TMEFF2: variants seen among roughly 807,000 people sequenced by gnomAD.
The protein encoded by TMEFF2 is transmembrane protein with EGF like and two follistatin like domains 2, also known as tomoregulin-2.
In TMEFF2, 28 loss-of-function variants were observed where a neutral mutation model predicts 53.8. The observed-to-expected ratio is 0.52, with a 90% confidence interval of 0.39 to 0.71. TMEFF2 has a LOEUF of 0.71. Among genes scored for constraint, TMEFF2 ranks in the 30% least tolerant of loss-of-function variants. TMEFF2 has a pLI of 0.00. For synonymous variants in TMEFF2, 162 were observed against 166.3 expected, an observed-to-expected ratio of 0.97 and a Z score of 0.20; for missense variants, 353 against 455.2, an observed-to-expected ratio of 0.78 and a Z score of 2.04.
At chr2:191,993,770 G>C (rs1314378655) in intron 7 of TMEFF2, among the ~76,000 whole-genome samples, 2 of 151,944 alleles carry the variant, frequency 1.3e-5, no homozygotes, top group Non-Finnish European at 2.9e-5. Context: ...TATGCTCTAG[G>C]ATGTTGTCAA....
chr2:192,021,645 A>G (rs1290629345), intron 5 of TMEFF2, among the ~76,000 whole-genome samples: 1 of 152,174 alleles, frequency 6.6e-6, no homozygotes, highest in Non-Finnish European at 1.5e-5. Flanking sequence ...TGCCATAACT[A>G]AGTGACAAGA....
At chr2:191,953,590 T>G in intron 9 of TMEFF2, 89 bp downstream of exon 9, 1 of 1,476,276 alleles carries the variant, frequency 6.8e-7, no homozygotes, top group East Asian at 2.3e-5. Context: ...GCAGAGTCCA[T>G]GAAGGAACTC....
At chr2:192,165,754 A>AT (rs536564272) in intron 4 of TMEFF2, among the ~76,000 whole-genome samples, 2 of 152,114 alleles carry the variant, frequency 1.3e-5, no homozygotes, top group Non-Finnish European at 2.9e-5. Context: ...TAAAAAAAAA[A>AT]AAAAATTAGA....
chr2:192,104,444 T>TA (rs781401196), intron 4 of TMEFF2, among the ~76,000 whole-genome samples: 1 of 152,146 alleles, frequency 6.6e-6, no homozygotes, highest in Non-Finnish European at 1.5e-5. Context: ...CAAATATTTA[T>TA]AACCCTGGAA....
At chr2:192,183,432 T>A (rs1691234582) in intron 3 of TMEFF2, among the ~76,000 whole-genome samples, 1 of 152,090 alleles carries the variant, frequency 6.6e-6, no homozygotes, top group Non-Finnish European at 1.5e-5. Flanking sequence ...ATAAATAGAC[T>A]TTTCATGACA....
At chr2:192,161,558 A>G (rs749965042) in intron 4 of TMEFF2, among the ~76,000 whole-genome samples, 1 of 152,202 alleles carries the variant, frequency 6.6e-6, no homozygotes, top group Admixed American at 6.5e-5. Flanking sequence ...AAGACTTTCA[A>G]TTTTGGGATG....
In TMEFF2 at chr2:192,194,252, G is replaced by A. The variant is rs1006137151; in HGVS notation, c.172+101C>T. ...GTATTAGGGGTCTAGGGCAGTAGGA[G>A]GTGAGGGGCTGAGGAGGCGCGCTAG... On this transcript the variant is annotated intron_variant, in intron 1 of 9. Transcript: ENST00000272771. The surrounding 1 kb of genome is among the most constrained non-coding windows in gnomAD (Gnocchi z 4.2). 3.6e-6 allele frequency: 5 copies of A among 1,393,402 alleles called. No individual in the cohort carries two copies. Among genetic ancestry groups the A allele is most frequent in the South Asian group, 2.6e-5 (2 of 77,358 alleles). The allele number at this position is 1,393,402 out of a possible 1,614,324, so 86.3% of individuals were successfully genotyped here.
intron 5 of TMEFF2, among the ~76,000 whole-genome samples, chr2:192,051,754 T>C (rs1244910794): frequency 6.6e-6 from 1 of 152,214 alleles, no homozygotes; most frequent in African/African-American, 2.4e-5. Context: ...ACAATCTTCC[T>C]AATGACAGGG....
chr2:192,069,602 C>A (rs370239844), intron 4 of TMEFF2, among the ~76,000 whole-genome samples: 1 of 151,640 alleles, frequency 6.6e-6, no homozygotes, highest in South Asian at 2.1e-4. Context: ...TTGAACTAAT[C>A]AATATGTCTG....
At chr2:192,017,386 G>A (rs997324057) in intron 5 of TMEFF2, among the ~76,000 whole-genome samples, 1 of 152,188 alleles carries the variant, frequency 6.6e-6, no homozygotes, top group African/African-American at 2.4e-5. Context: ...CCCTCTGTCA[G>A]GAGGAATAGG....
At chr2:192,166,256 G>T (rs1169484829) in intron 4 of TMEFF2, among the ~76,000 whole-genome samples, 1 of 152,176 alleles carries the variant, frequency 6.6e-6, no homozygotes, top group East Asian at 1.9e-4. Context: ...CTCCCCTCAG[G>T]TATGGGAATT....
At chr2:192,107,950 TG>T (rs66479082) in intron 4 of TMEFF2, among the ~76,000 whole-genome samples, 14,572 of 147,962 alleles carry the variant, frequency 0.098, 948 homozygotes, top group Non-Finnish European at 0.16. Flanking sequence ...ACAATATAAC[TG>T]TTTTTTTTTT....
chr2:192,139,311 T>C (rs983031800), intron 4 of TMEFF2, among the ~76,000 whole-genome samples: 4 of 152,222 alleles, frequency 2.6e-5, no homozygotes, highest in African/African-American at 9.6e-5. Context: ...AACAATGATA[T>C]ATTGTTAAAT....
At chr2:192,120,774 T>C (rs1306312805) in intron 4 of TMEFF2, among the ~76,000 whole-genome samples, 1 of 152,082 alleles carries the variant, frequency 6.6e-6, no homozygotes, top group Non-Finnish European at 1.5e-5. Flanking sequence ...TCTCGCTCTG[T>C]CGCCCAGGCT....
intron 6 of TMEFF2, 97 bp downstream of exon 6, chr2:191,998,963 A>G (rs1285293652): frequency 1.3e-5 from 16 of 1,275,700 alleles, no homozygotes; most frequent in Non-Finnish European, 1.5e-5. Flanking sequence ...TGCATTTTGG[A>G]AATGGAATAG....
intron 4 of TMEFF2, among the ~76,000 whole-genome samples, chr2:192,075,310 T>TATATATATATATAA (rs1553518817): frequency 5.3e-5 from 4 of 74,914 alleles, no homozygotes; most frequent in Admixed American, 1.7e-4. Context: ...TATATATATA[T>TATATATATATATAA]ATATATATAT....
chr2:192,193,910 C>T (rs973548022), intron 1 of TMEFF2, among the ~76,000 whole-genome samples: 2 of 152,130 alleles, frequency 1.3e-5, no homozygotes, highest in Admixed American at 1.3e-4. Flanking sequence ...AGCGATTCCC[C>T]TGCAGTCACC....
chr2:192,104,187 ATTT>A (rs1335481735), intron 4 of TMEFF2, among the ~76,000 whole-genome samples: 2 of 152,130 alleles, frequency 1.3e-5, no homozygotes, highest in Non-Finnish European at 2.9e-5. Context: ...AGTACGCTGA[ATTT>A]ATTTCATAGG....
intron 4 of TMEFF2, among the ~76,000 whole-genome samples, chr2:192,080,072 A>G (rs1297277800): frequency 6.6e-6 from 1 of 152,196 alleles, no homozygotes; most frequent in East Asian, 1.9e-4. Context: ...ATCAATGTAA[A>G]TTAAGGCATA....
Sources: allele counts gnomAD v4.1 joint callset (sites outside exome capture counted in the v4.1 genomes callset), GRCh38; gene constraint gnomAD v4.1.1; non-coding constraint Gnocchi (gnomAD v3.1); transcripts MANE v1.5; gene names NCBI Gene and HGNC (gene_info 2026-07-23, HGNC 2026-07-21).